EIF3E: variants seen among roughly 807,000 people sequenced by gnomAD.
EIF3E encodes the protein eIF-3 p48.
Under a neutral mutation model 59.3 loss-of-function variants are expected in EIF3E, and 25 were observed. That is an observed-to-expected ratio of 0.42 (90% CI 0.31 to 0.59). The LOEUF (loss-of-function observed/expected upper bound fraction) is 0.59. Among genes scored for constraint, EIF3E ranks in the 20% least tolerant of loss-of-function variants. The pLI is 0.15. For synonymous variants in EIF3E, 176 were observed against 170.2 expected, an observed-to-expected ratio of 1.03 and a Z score of -0.26; for missense variants, 317 against 534.3, an observed-to-expected ratio of 0.59 and a Z score of 4.01.
Position 108,222,816 on chromosome 8 carries a change from C to A in EIF3E, c.723-5356G>T, listed in dbSNP as rs189648479. ...GCTATACTTCTCATAGTTTTGAAAT[C>A]AAATTTTCTTAGTTTTTTTTTTTTT... is the stretch of plus-strand genomic sequence containing the variant. On this transcript the variant is annotated intron_variant, in intron 7 of 12. Coordinates refer to ENST00000220849, the MANE Select transcript of EIF3E (RefSeq NM_001568.3). Among the ~76,000 whole-genome samples the A allele has an allele frequency of 9.3e-3, 1,316 of 141,538 alleles. 35 individuals carry two copies. Among genetic ancestry groups the A allele is most frequent in the African/African-American group, 0.033 (1,251 of 38,062 alleles). 92.9% of individuals were successfully genotyped at this position (141,538 alleles called of 152,430 possible). A position where few individuals can be genotyped will look rare whatever the true frequency, so the allele number is the denominator to read the frequency against.
intron 1 of EIF3E, among the ~76,000 whole-genome samples, chr8:108,248,300 T>C (rs1815987370): frequency 1.3e-5 from 2 of 151,204 alleles, no homozygotes; most frequent in Admixed American, 1.3e-4. Context: ...AGCTCTAACG[T>C]TCTCTAGCGA....
intron 1 of EIF3E, among the ~76,000 whole-genome samples, chr8:108,243,034 A>C (rs1188601573): frequency 6.6e-6 from 1 of 152,220 alleles, no homozygotes; most frequent in Non-Finnish European, 1.5e-5. Flanking sequence ...GCACTTCCAA[A>C]AATGTACACA....
At chr8:108,203,272 C>T in intron 11 of EIF3E, 129 bp downstream of exon 11, 3 of 1,279,954 alleles carry the variant, frequency 2.3e-6, no homozygotes, top group Non-Finnish European at 3.2e-6. Context: ...GCTTCTGTTG[C>T]CTTCAAAGAA....
At chr8:108,229,789 AT>A (rs549286967) in intron 5 of EIF3E, among the ~76,000 whole-genome samples, 3 of 152,050 alleles carry the variant, frequency 2.0e-5, no homozygotes, top group African/African-American at 4.8e-5. Context: ...AAAACCCTAT[AT>A]TTTTTTATCC....
At chr8:108,244,233 A>G (rs1815901127) in intron 1 of EIF3E, among the ~76,000 whole-genome samples, 1 of 152,220 alleles carries the variant, frequency 6.6e-6, no homozygotes, top group African/African-American at 2.4e-5. Context: ...ATTGGGGTAT[A>G]AAGTTAATAT....
chr8:108,203,232 A>G, intron 11 of EIF3E, 115 bp from the exon 12 acceptor site: 3 of 884,494 alleles, frequency 3.4e-6, no homozygotes, highest in South Asian at 4.8e-5. Flanking sequence ...AGAGATGACA[A>G]TATTTACCAA....
intron 6 of EIF3E, 108 bp from the exon 7 acceptor site, chr8:108,228,499 A>C: frequency 1.1e-6 from 1 of 872,870 alleles, no homozygotes; most frequent in Non-Finnish European, 1.6e-6. Context: ...GCCCCTTCTA[A>C]GGCATGCACG....
At chr8:108,206,733 T>G (rs1393207640) in intron 10 of EIF3E, among the ~76,000 whole-genome samples, 3 of 152,122 alleles carry the variant, frequency 2.0e-5, no homozygotes, top group African/African-American at 7.2e-5. Flanking sequence ...AGCCCAGCAG[T>G]TTCAGACTGC....
chr8:108,214,866 T>C (rs528610419), intron 9 of EIF3E, 150 bp from the exon 10 acceptor site: 9 of 647,454 alleles, frequency 1.4e-5, no homozygotes, highest in African/African-American at 1.3e-4. Context: ...AAATCTTTAA[T>C]GATTTAAATA....
At chr8:108,248,563 C>A (rs1035937993) in intron 1 of EIF3E, 50 bp downstream of exon 1, 3 of 1,594,674 alleles carry the variant, frequency 1.9e-6, no homozygotes, top group Non-Finnish European at 2.6e-6. Flanking sequence ...CGGCCTTGCT[C>A]AGCACCTCAT....
At chr8:108,226,993 T>C (rs1030703165) in intron 7 of EIF3E, among the ~76,000 whole-genome samples, 1 of 152,216 alleles carries the variant, frequency 6.6e-6, no homozygotes, top group Non-Finnish European at 1.5e-5. Context: ...TATAAAATCT[T>C]CATTTAGATG....
At chr8:108,210,825 C>T (rs1815193814) in intron 10 of EIF3E, among the ~76,000 whole-genome samples, 1 of 152,042 alleles carries the variant, frequency 6.6e-6, no homozygotes. Context: ...CAATTCCCAC[C>T]TATGAGTGAG....
intron 3 of EIF3E, among the ~76,000 whole-genome samples, chr8:108,237,243 T>C (rs1467008856): frequency 2.6e-5 from 4 of 152,280 alleles, no homozygotes; most frequent in Middle Eastern, 3.4e-3. Context: ...GCCCACCTTA[T>C]GAGCATTTTT....
intron 8 of EIF3E, among the ~76,000 whole-genome samples, chr8:108,216,889 T>A (rs191424770): frequency 1.3e-4 from 20 of 152,312 alleles, no homozygotes; most frequent in Admixed American, 4.6e-4. Context: ...TAAGTTATAT[T>A]TCTAATCTAC....
At chr8:108,226,985 T>C (rs948587708) in intron 7 of EIF3E, among the ~76,000 whole-genome samples, 7 of 152,220 alleles carry the variant, frequency 4.6e-5, no homozygotes, top group South Asian at 2.1e-4. Context: ...AATGAAACTA[T>C]AAAATCTTCA....
At chr8:108,202,196 C>T (rs1276467801) in intron 12 of EIF3E, among the ~76,000 whole-genome samples, 2 of 152,048 alleles carry the variant, frequency 1.3e-5, no homozygotes, top group East Asian at 3.9e-4. Context: ...CAAATTAATC[C>T]TAAAGCATAC....
At position 108,242,683 on chromosome 8, in the gene EIF3E, A is replaced by G. The variant is rs542625726; in HGVS notation, c.91-770T>C. 120 of 1,122,356 alleles carry G rather than the reference A, an allele frequency of 1.1e-4. 1 individual carries two copies. The African/African-American group carries it at 1.9e-3, about 17-fold the overall frequency. 69.5% of individuals were successfully genotyped at this position (1,122,356 alleles called of 1,614,324 possible). On this transcript the variant is annotated intron_variant, in intron 1 of 12. Transcript: ENST00000220849. ...AGCAAAATCGAACCTTCCAAATTAC[A>G]TGCAGAACTCCTATAAATGAGTAAG...
chr8:108,210,157 C>T (rs1815180032), intron 10 of EIF3E, among the ~76,000 whole-genome samples: 2 of 151,558 alleles, frequency 1.3e-5, no homozygotes, highest in African/African-American at 4.9e-5. Flanking sequence ...AAAGGTTAGG[C>T]TCAGTCATAT....
intron 6 of EIF3E, 84 bp from the exon 7 acceptor site, chr8:108,228,475 G>T: frequency 8.9e-7 from 1 of 1,119,404 alleles, no homozygotes; most frequent in Non-Finnish European, 1.2e-6. Context: ...CTTCAAAACT[G>T]TAATTAAAAA....
Sources: allele counts gnomAD v4.1 joint callset (sites outside exome capture counted in the v4.1 genomes callset), GRCh38; gene constraint gnomAD v4.1.1; transcripts MANE v1.5; gene names NCBI Gene and HGNC (gene_info 2026-07-23, HGNC 2026-07-21).